Variants in CDKAL1 observed in about 807,000 individuals in gnomAD.
The protein encoded by CDKAL1 is CDKAL1 threonylcarbamoyladenosine tRNA methylthiotransferase.
CDKAL1 carries 32 observed loss-of-function variants against 68.2 expected under a neutral mutation model. That is an observed-to-expected ratio of 0.47 (90% CI 0.35 to 0.63). The LOEUF (loss-of-function observed/expected upper bound fraction) is 0.63, where lower values mean the gene tolerates loss of function less well. Ranked by LOEUF, CDKAL1 falls within the 30% of genes least tolerant of loss-of-function variation. CDKAL1 has a pLI of 0.00. For synonymous variants in CDKAL1, 234 were observed against 244.3 expected (o/e 0.96, Z 0.39); for missense variants, 606 against 696.7 (o/e 0.87, Z 1.47).
chr6:20,594,124 A>T (rs934584695), intron 4 of CDKAL1, among the ~76,000 whole-genome samples: 9 of 152,122 alleles, frequency 5.9e-5, no homozygotes, highest in African/African-American at 2.2e-4. Context: ...AGTAAGTGTG[A>T]TGTGGTGCTG....
At chr6:20,877,315 G>A (rs1331674342) in intron 9 of CDKAL1, among the ~76,000 whole-genome samples, 1 of 152,230 alleles carries the variant, frequency 6.6e-6, no homozygotes, top group Admixed American at 6.5e-5. Flanking sequence ...TCATCTACAA[G>A]TCTTTGCCAT....
intron 9 of CDKAL1, among the ~76,000 whole-genome samples, chr6:20,900,456 G>C (rs959667009): frequency 1.3e-5 from 2 of 152,228 alleles, no homozygotes; most frequent in African/African-American, 4.8e-5. Flanking sequence ...ACATGGCCGT[G>C]TTCTGATGCA....
chr6:20,996,969 C>T (rs1051025257), intron 10 of CDKAL1, among the ~76,000 whole-genome samples: 3 of 152,184 alleles, frequency 2.0e-5, no homozygotes, highest in African/African-American at 4.8e-5. Flanking sequence ...TCGAGCCAAA[C>T]TGAAATATTA....
intron 15 of CDKAL1, among the ~76,000 whole-genome samples, chr6:21,205,848 T>G (rs2151113016): frequency 7.3e-6 from 1 of 137,116 alleles, no homozygotes; most frequent in South Asian, 2.5e-4. Flanking sequence ...TTTTTTTTTT[T>G]TTTTGAGACA....
intron 5 of CDKAL1, among the ~76,000 whole-genome samples, chr6:20,651,769 T>A (rs2127762671): frequency 6.6e-6 from 1 of 152,320 alleles, no homozygotes. Flanking sequence ...CATGAAGGGA[T>A]GTTGAATTTT....
chr6:20,721,135 C>T (rs867256946), intron 5 of CDKAL1, among the ~76,000 whole-genome samples: 14 of 140,276 alleles, frequency 1.0e-4, no homozygotes, highest in African/African-American at 2.3e-4. Context: ...CAACAGGCCC[C>T]GGTGTGTGGT....
intron 4 of CDKAL1, among the ~76,000 whole-genome samples, chr6:20,633,400 GCATAAATATA>G (rs1767759436): frequency 6.6e-6 from 1 of 152,178 alleles, no homozygotes. Flanking sequence ...ATATTCCATT[GCATAAATATA>G]CCACATTTTA....
chr6:20,815,787 T>C (rs144231460), intron 8 of CDKAL1, among the ~76,000 whole-genome samples: 291 of 152,284 alleles, frequency 1.9e-3, no homozygotes, highest in African/African-American at 6.7e-3. Context: ...TCTGGTATGT[T>C]GGTATGCATA....
chr6:20,768,431 G>A (rs1187546351), intron 7 of CDKAL1, among the ~76,000 whole-genome samples: 1 of 152,156 alleles, frequency 6.6e-6, no homozygotes, highest in Non-Finnish European at 1.5e-5. Flanking sequence ...AATGTGACTA[G>A]CCTTTATCTC....
intron 5 of CDKAL1, among the ~76,000 whole-genome samples, chr6:20,651,634 G>A (rs573076126): frequency 1.9e-4 from 29 of 151,994 alleles, no homozygotes; most frequent in Non-Finnish European, 2.9e-4. Context: ...TCTTGTGCCC[G>A]TTTTCAAAGG....
intron 11 of CDKAL1, among the ~76,000 whole-genome samples, chr6:21,006,174 T>C (rs1384479393): frequency 1.3e-5 from 2 of 152,206 alleles, no homozygotes; most frequent in Non-Finnish European, 2.9e-5. Flanking sequence ...GTGTGCTTAT[T>C]GGAACACAAT....
At chr6:20,934,592 C>T (rs1429974866) in intron 9 of CDKAL1, among the ~76,000 whole-genome samples, 1 of 152,076 alleles carries the variant, frequency 6.6e-6, no homozygotes, top group East Asian at 1.9e-4. Context: ...TGCCTATAAT[C>T]CCAGCACTTT....
At chr6:20,862,864 TAAAAATACAA>T (rs1284645996) in intron 9 of CDKAL1, among the ~76,000 whole-genome samples, 1 of 152,120 alleles carries the variant, frequency 6.6e-6, no homozygotes, top group Non-Finnish European at 1.5e-5. Context: ...CCGCCTCTAC[TAAAAATACAA>T]AAATTAGCTA....
At chr6:20,935,814 C>T (rs115297955) in intron 9 of CDKAL1, among the ~76,000 whole-genome samples, 3 of 152,208 alleles carry the variant, frequency 2.0e-5, no homozygotes, top group Non-Finnish European at 4.4e-5. Flanking sequence ...AAGCGATCCT[C>T]CCCCTTTGGC....
Position 20,536,809 on chromosome 6 carries a change from CA to C in CDKAL1, c.-6+1422del, listed in dbSNP as rs899859634. 3.9e-5 allele frequency among the ~76,000 whole-genome samples: 6 copies of C among 151,906 alleles called. No individual in the cohort carries two copies. The East Asian group carries it at 9.6e-4, about 24-fold the overall frequency. On this transcript the variant is annotated intron_variant, in intron 2 of 15. Coordinates refer to ENST00000274695, the MANE Select transcript of CDKAL1 (RefSeq NM_017774.3). ...ACAACAAAGCGAGACCTTGTTTTTA[CA>C]AAAAAACTGAAAAAGAAAAAATGTT...
chr6:21,117,434 T>C (rs905949002), intron 13 of CDKAL1, among the ~76,000 whole-genome samples: 2 of 151,572 alleles, frequency 1.3e-5, no homozygotes, highest in Admixed American at 1.3e-4. Context: ...ACCCAGGAGT[T>C]TGAGACCACC....
chr6:21,186,452 C>T (rs577944821), intron 13 of CDKAL1, among the ~76,000 whole-genome samples: 1 of 152,136 alleles, frequency 6.6e-6, no homozygotes, highest in East Asian at 1.9e-4. Flanking sequence ...GTCCAAATGC[C>T]ACTGTTTTTT....
At chr6:21,198,142 G>T in intron 14 of CDKAL1, 38 bp downstream of exon 14, 1 of 1,349,734 alleles carries the variant, frequency 7.4e-7, no homozygotes, top group African/African-American at 1.5e-5. Flanking sequence ...TTTCTCCAAA[G>T]TGAGAAAGAG....
chr6:20,543,433 C>T (rs1460381470), intron 2 of CDKAL1, among the ~76,000 whole-genome samples: 1 of 152,148 alleles, frequency 6.6e-6, no homozygotes, highest in African/African-American at 2.4e-5. Flanking sequence ...TGTATATTCT[C>T]TTGAAATGTC....
Sources: gnomAD v4.1 joint callset for allele counts (sites outside exome capture counted in the v4.1 genomes callset) on GRCh38, gnomAD v4.1.1 for gene constraint, MANE v1.5 for transcripts, NCBI Gene and HGNC (gene_info 2026-07-23, HGNC 2026-07-21) for gene names.